RORA: variants seen among roughly 807,000 people sequenced by gnomAD.
RORA encodes the protein nuclear receptor ROR-alpha.
RORA carries 7 observed loss-of-function variants against 69.5 expected under a neutral mutation model. The observed-to-expected ratio is 0.10, with a 90% CI of 0.06 to 0.19. RORA has a LOEUF of 0.19. RORA is among the 10% of genes least tolerant of loss of function. The pLI is 1.00. For synonymous variants in RORA, 261 were observed against 240.8 expected, an observed-to-expected ratio of 1.08 and a Z score of -0.78; for missense variants, 457 against 663.0, an observed-to-expected ratio of 0.69 and a Z score of 3.41.
chr15:61,204,681 A>G (rs1339782428), intron 1 of RORA, among the ~76,000 whole-genome samples: 1 of 152,252 alleles, frequency 6.6e-6, no homozygotes. Flanking sequence ...CCCAGTGTCC[A>G]TGTCAGAAAA....
chr15:61,017,449 A>G lies in RORA; in HGVS notation c.166+211604T>C, dbSNP rs566714171. On this transcript the variant is annotated intron_variant, in intron 1 of 10. Coordinates refer to ENST00000335670, the MANE Select transcript of RORA (RefSeq NM_134261.3). ...AATTAGGTCCTACATCAAAAACTAT[A>G]CATAAACTTGACTCCAATATCTCAA... Among the ~76,000 whole-genome samples the G allele has an allele frequency of 3.3e-5, 5 of 152,350 alleles. No homozygotes were observed. The East Asian group carries it at 9.6e-4, about 29-fold the overall frequency.
chr15:60,670,634 A>T (rs1325303501), intron 2 of RORA, among the ~76,000 whole-genome samples: 2 of 152,084 alleles, frequency 1.3e-5, no homozygotes, highest in African/African-American at 4.8e-5. Flanking sequence ...CCTACATAGA[A>T]AAACATGTTT....
intron 1 of RORA, among the ~76,000 whole-genome samples, chr15:61,044,367 G>A (rs908357210): frequency 6.6e-6 from 1 of 152,090 alleles, no homozygotes; most frequent in Admixed American, 6.5e-5. Context: ...GAGTCACTCT[G>A]CCGAGTCGCC....
chr15:60,740,074 C>T (rs961503126), intron 1 of RORA, among the ~76,000 whole-genome samples: 3 of 152,030 alleles, frequency 2.0e-5, no homozygotes, highest in African/African-American at 4.8e-5. Flanking sequence ...AGAAAGGGAG[C>T]GGGGGAAACT....
intron 1 of RORA, among the ~76,000 whole-genome samples, chr15:60,829,258 T>C (rs367821108): frequency 6.6e-6 from 1 of 152,142 alleles, no homozygotes; most frequent in South Asian, 2.1e-4. Context: ...TTAGGGCTAA[T>C]GGAATTCAGC....
intron 1 of RORA, among the ~76,000 whole-genome samples, chr15:61,091,773 C>T (rs542486995): frequency 9.9e-5 from 15 of 152,278 alleles, no homozygotes; most frequent in African/African-American, 3.6e-4. Context: ...ATTTTATACC[C>T]ATCCATTATT....
rs561035547 is a variant in RORA, at chr15:60,957,260, T to C, written c.166+271793A>G. 2.6e-5 allele frequency among the ~76,000 whole-genome samples: 4 copies of C among 152,202 alleles called. No individual in the cohort carries two copies. In the South Asian group the frequency reaches 6.2e-4, roughly 24 times the overall value. On this transcript the variant is annotated intron_variant, in intron 1 of 10. Coordinates refer to ENST00000335670, the MANE Select transcript of RORA (RefSeq NM_134261.3). Reference sequence around the variant, plus strand: ...ATAGACACTTTGCGGGCTATAAGAGTGCTTTAAAAATGTGAATTCAGCCCA... The same window carrying C: ...ATAGACACTTTGCGGGCTATAAGAGCGCTTTAAAAATGTGAATTCAGCCCA...
chr15:60,680,216 A>C (rs2070622985), intron 1 of RORA, among the ~76,000 whole-genome samples: 1 of 152,194 alleles, frequency 6.6e-6, no homozygotes, highest in Non-Finnish European at 1.5e-5. Flanking sequence ...TATTTTCCTT[A>C]GGAAATAGTG....
intron 1 of RORA, among the ~76,000 whole-genome samples, chr15:61,113,196 A>G (rs2140790326): frequency 6.6e-6 from 1 of 152,310 alleles, no homozygotes; most frequent in South Asian, 2.1e-4. Flanking sequence ...CTAACCTTAC[A>G]AGGTAAGTGT....
chr15:60,621,589 A>G (rs1459620422), intron 2 of RORA, among the ~76,000 whole-genome samples: 1 of 152,138 alleles, frequency 6.6e-6, no homozygotes, highest in African/African-American at 2.4e-5. Context: ...TACATTTATC[A>G]TCTTTGTCCC....
At chr15:61,104,797 T>C (rs1307052266) in intron 1 of RORA, among the ~76,000 whole-genome samples, 1 of 152,164 alleles carries the variant, frequency 6.6e-6, no homozygotes, top group Non-Finnish European at 1.5e-5. Context: ...CCAAATCTCA[T>C]CTTGAATTAT....
rs189070388 is a variant in RORA, at chr15:60,722,533, C to T, written c.167-43847G>A. On this transcript the variant is annotated intron_variant, in intron 1 of 10. Transcript: ENST00000335670. ...GCCCCTGAGGGACGTGGATCACCCA[C>T]ATGCAACAGGCTGCTGACACCAGCA... is the stretch of plus-strand genomic sequence containing the variant. Among the ~76,000 whole-genome samples the T allele has an allele frequency of 6.6e-5, 10 of 152,344 alleles. No individual in the cohort carries two copies. In the East Asian group the frequency reaches 1.5e-3, roughly 24 times the overall value.
intron 1 of RORA, among the ~76,000 whole-genome samples, chr15:61,170,158 T>G (rs535596081): frequency 1.1e-4 from 17 of 152,212 alleles, no homozygotes; most frequent in Non-Finnish European, 1.8e-4. Flanking sequence ...GCTGCAGTGA[T>G]CAATTACCAT....
chr15:60,683,994 G>T (rs895936676), intron 1 of RORA, among the ~76,000 whole-genome samples: 3 of 152,142 alleles, frequency 2.0e-5, no homozygotes, highest in African/African-American at 7.2e-5. Flanking sequence ...GGTATTTCCC[G>T]TCAGTGCCAA....
intron 1 of RORA, among the ~76,000 whole-genome samples, chr15:61,193,057 C>A (rs549301939): frequency 1.9e-5 from 1 of 52,512 alleles, no homozygotes; most frequent in Non-Finnish European, 3.7e-5. Context: ...ACGCCCTCAC[C>A]AGCCCCTATT....
intron 1 of RORA, among the ~76,000 whole-genome samples, chr15:60,832,689 C>T (rs141377096): frequency 3.9e-5 from 6 of 151,928 alleles, no homozygotes; most frequent in African/African-American, 1.2e-4. Flanking sequence ...GGTGGAGAGT[C>T]GATTCATCAA....
In RORA at chr15:61,071,881, G is replaced by C. The variant is rs186613730; in HGVS notation, c.166+157172C>G. On this transcript the variant is annotated intron_variant, in intron 1 of 10. Coordinates refer to ENST00000335670, the MANE Select transcript of RORA (RefSeq NM_134261.3). Reference sequence around the variant, plus strand: ...TTGCAATAGGTACCCTCCCTACTGAGTTTTGAAGGATGTGTTGGGTGGGAC... The same window carrying C: ...TTGCAATAGGTACCCTCCCTACTGACTTTTGAAGGATGTGTTGGGTGGGAC... 4.5e-3 allele frequency among the ~76,000 whole-genome samples: 680 copies of C among 152,164 alleles called. 5 individuals are homozygous for C. The highest frequency in any genetic ancestry group is 0.015 in the African/African-American group (628 of 41,508).
At position 61,229,245 on chromosome 15, in the gene RORA, G is replaced by A; in HGVS notation, c.-27C>T. 8.0e-7 allele frequency: 1 copy of A among 1,249,106 alleles called. No homozygotes were observed. The highest frequency in any genetic ancestry group is 1.0e-6 in the Non-Finnish European group (1 of 977,884). The allele number at this position is 1,249,106 out of a possible 1,614,324, so 77.4% of individuals were successfully genotyped here. On this transcript the variant is annotated 5_prime_UTR_variant, in exon 1 of 11. Coordinates refer to ENST00000335670, the MANE Select transcript of RORA (RefSeq NM_134261.3). ...TTTTTTCCCAATGTAGAGATCGCTG[G>A]AGATGGCGAGCTCCGAGACTCCCTC...
At chr15:60,592,297 C>T in intron 2 of RORA, 3 of 955,752 alleles carry the variant, frequency 3.1e-6, no homozygotes, top group Non-Finnish European at 2.8e-6. Context: ...TGCGTTCGGG[C>T]AGGCGCGCCC....
Sources: allele counts gnomAD v4.1 joint callset (sites outside exome capture counted in the v4.1 genomes callset), GRCh38; gene constraint gnomAD v4.1.1; transcripts MANE v1.5; gene names NCBI Gene and HGNC (gene_info 2026-07-23, HGNC 2026-07-21).